ERG: variants seen among roughly 807,000 people sequenced by gnomAD.
ERG encodes the protein ETS transcription factor ERG.
Under a neutral mutation model 55.3 loss-of-function variants are expected in ERG, and 9 were observed. The observed-to-expected ratio is 0.16, with a 90% CI of 0.10 to 0.28. The LOEUF (loss-of-function observed/expected upper bound fraction) is 0.28. Ranked by LOEUF, ERG falls within the 10% of genes least tolerant of loss-of-function variation. ERG has a pLI of 1.00. For missense variants in ERG, 434 were observed against 631.6 expected (o/e 0.69, Z 3.35); for synonymous variants, 223 against 237.3 (o/e 0.94, Z 0.55).
At chr21:38,509,688 C>A (rs1455754503) in intron 2 of ERG, among the ~76,000 whole-genome samples, 5 of 152,104 alleles carry the variant, frequency 3.3e-5, no homozygotes, top group Non-Finnish European at 5.9e-5. Flanking sequence ...AACATCTCAG[C>A]CCATCAACCT....
At chr21:38,561,037 C>CT (rs546102086) in intron 2 of ERG, among the ~76,000 whole-genome samples, 3 of 151,614 alleles carry the variant, frequency 2.0e-5, no homozygotes, top group East Asian at 3.9e-4. Context: ...TTTTTAATGT[C>CT]TTTTTTTTCT....
chr21:38,646,424 G>T (rs535438186), intron 1 of ERG, among the ~76,000 whole-genome samples: 1 of 152,268 alleles, frequency 6.6e-6, no homozygotes, highest in East Asian at 1.9e-4. Flanking sequence ...TGGAGGATTT[G>T]TTAGGACTGC....
intron 3 of ERG, among the ~76,000 whole-genome samples, chr21:38,408,912 C>T (rs1988907573): frequency 6.6e-6 from 1 of 152,206 alleles, no homozygotes. Flanking sequence ...CACCTCTTGT[C>T]TCCAGGTAGC....
chr21:38,406,186 G>C (rs202112363), intron 3 of ERG, among the ~76,000 whole-genome samples: 1 of 117,374 alleles, frequency 8.5e-6, no homozygotes, highest in Non-Finnish European at 1.8e-5. Flanking sequence ...TCATCAGTGC[G>C]CAGAACCTGA....
At chr21:38,642,931 A>G (rs926715560) in intron 1 of ERG, among the ~76,000 whole-genome samples, 2 of 152,206 alleles carry the variant, frequency 1.3e-5, no homozygotes, top group East Asian at 1.9e-4. Flanking sequence ...GAGAGGGCAC[A>G]CCCTGTGCCT....
At chr21:38,648,405 G>A (rs777675186) in intron 1 of ERG, among the ~76,000 whole-genome samples, 32 of 152,134 alleles carry the variant, frequency 2.1e-4, no homozygotes, top group Non-Finnish European at 4.1e-4. Context: ...CAGAGCTTAC[G>A]TATGCCAGCA....
chr21:38,596,523 G>A (rs994589617), intron 1 of ERG, among the ~76,000 whole-genome samples: 3 of 152,194 alleles, frequency 2.0e-5, no homozygotes, highest in Non-Finnish European at 2.9e-5. Context: ...CAAAGCCCAG[G>A]AAGAGTGGAA....
chr21:38,658,866 T>C (rs1364569260), intron 1 of ERG, among the ~76,000 whole-genome samples: 1 of 152,248 alleles, frequency 6.6e-6, no homozygotes, highest in African/African-American at 2.4e-5. Flanking sequence ...AATGTTTATA[T>C]ACAGGTGTGA....
At chr21:38,507,643 C>T (rs889748795) in intron 2 of ERG, among the ~76,000 whole-genome samples, 1 of 152,142 alleles carries the variant, frequency 6.6e-6, no homozygotes, top group African/African-American at 2.4e-5. Context: ...CCTTCAAGAG[C>T]CCAGAGTTCG....
chr21:38,516,950 T>C, intron 2 of ERG, among the ~76,000 whole-genome samples: 1 of 152,088 alleles, frequency 6.6e-6, no homozygotes, highest in East Asian at 1.9e-4. Flanking sequence ...TCTCTTGCCA[T>C]ATATAAAAAT....
intron 2 of ERG, among the ~76,000 whole-genome samples, chr21:38,428,229 T>C (rs1989930550): frequency 6.6e-6 from 1 of 151,884 alleles, no homozygotes; most frequent in Non-Finnish European, 1.5e-5. Flanking sequence ...TTTATCACAA[T>C]TCAGAGAACT....
At chr21:38,497,356 C>T (rs1460612570) in intron 1 of ERG, among the ~76,000 whole-genome samples, 1 of 152,226 alleles carries the variant, frequency 6.6e-6, no homozygotes, top group Non-Finnish European at 1.5e-5. Context: ...ATGCTTCTCA[C>T]CTCCGTGCAG....
intron 2 of ERG, among the ~76,000 whole-genome samples, chr21:38,558,336 T>C (rs1267353604): frequency 6.6e-6 from 1 of 152,176 alleles, no homozygotes; most frequent in African/African-American, 2.4e-5. Flanking sequence ...TTAAACTGAA[T>C]AGGAGATTAA....
chr21:38,547,634 T>G (rs2146809185), intron 2 of ERG, among the ~76,000 whole-genome samples: 1 of 152,366 alleles, frequency 6.6e-6, no homozygotes, highest in East Asian at 1.9e-4. Context: ...TCATGGATGC[T>G]TTTTGTTTTG....
chr21:38,563,680 A>G (rs1160111573), intron 2 of ERG, among the ~76,000 whole-genome samples: 1 of 152,218 alleles, frequency 6.6e-6, no homozygotes, highest in East Asian at 1.9e-4. Flanking sequence ...AATTCAGTCA[A>G]CTCGTATATG....
chr21:38,372,745 G>T, the ERG span, among the ~76,000 whole-genome samples: 1 of 151,510 alleles, frequency 6.6e-6, no homozygotes, highest in Non-Finnish European at 1.5e-5. Flanking sequence ...AATGATTCAT[G>T]TGTAAGAATT....
At chr21:38,427,758 T>TTC (rs1989902564) in intron 2 of ERG, among the ~76,000 whole-genome samples, 2 of 152,190 alleles carry the variant, frequency 1.3e-5, no homozygotes, top group Non-Finnish European at 2.9e-5. Context: ...CATCCTGACA[T>TTC]ACTCTCCTAC....
chr21:38,586,424 T>C (rs987127286), upstream of ERG, among the ~76,000 whole-genome samples: 3 of 152,118 alleles, frequency 2.0e-5, no homozygotes, highest in African/African-American at 7.2e-5. Flanking sequence ...TTACTCCTCC[T>C]GTCTAACTGA....
At chr21:38,442,690 T>C (rs1305842370) in intron 2 of ERG, among the ~76,000 whole-genome samples, 3 of 152,182 alleles carry the variant, frequency 2.0e-5, no homozygotes, top group Non-Finnish European at 4.4e-5. Flanking sequence ...CTGGAAAAGC[T>C]TCCCCATGCC....
Sources: allele counts gnomAD v4.1 joint callset (sites outside exome capture counted in the v4.1 genomes callset), GRCh38; gene constraint gnomAD v4.1.1; transcripts MANE v1.5; gene names NCBI Gene and HGNC (gene_info 2026-07-23, HGNC 2026-07-21).